Variants in SETDB2 observed in about 807,000 individuals in gnomAD.
SETDB2 encodes histone-lysine N-methyltransferase SETDB2.
SETDB2 carries 56 observed loss-of-function variants against 82.5 expected under a neutral mutation model. That is an observed-to-expected ratio of 0.68 (90% CI 0.55 to 0.85). The LOEUF (loss-of-function observed/expected upper bound fraction) is 0.85. SETDB2 is among the 40% of genes least tolerant of loss of function. SETDB2 has a pLI of 0.00. For missense variants in SETDB2, 677 were observed against 816.4 expected (o/e 0.83, Z 2.08); for synonymous variants, 272 against 284.9 (o/e 0.95, Z 0.46).
At chr13:49,449,005 T>A (rs1020913719) in intron 1 of SETDB2, among the ~76,000 whole-genome samples, 12 of 152,248 alleles carry the variant, frequency 7.9e-5, no homozygotes, top group Non-Finnish European at 1.2e-4. Context: ...CAACTCTTAT[T>A]TGATACGTTT....
In SETDB2 at chr13:49,465,798, A is replaced by G. The variant is rs1958099293; in HGVS notation, c.209-2066A>G. ...GTGATCCACCCGCCTTGGCCTCCCA[A>G]AGTGCTAGGATTACAGGTGTGAGCC... On this transcript the variant is annotated intron_variant, in intron 4 of 13. Transcript: ENST00000611815. Among the ~76,000 whole-genome samples, 5 of 152,242 alleles carry G rather than the reference A, an allele frequency of 3.3e-5. 1 individual carries two copies. In the Middle Eastern group the frequency reaches 0.01, roughly 311 times the overall value.
At chr13:49,463,862 C>T (rs1321857917) in intron 4 of SETDB2, among the ~76,000 whole-genome samples, 1 of 152,228 alleles carries the variant, frequency 6.6e-6, no homozygotes, top group Non-Finnish European at 1.5e-5. Flanking sequence ...AGTCCCAGAG[C>T]ACATTCCTTT....
At chr13:49,469,938 C>T (rs149102742) in intron 5 of SETDB2, among the ~76,000 whole-genome samples, 185 of 152,210 alleles carry the variant, frequency 1.2e-3, no homozygotes, top group African/African-American at 4.0e-3. Flanking sequence ...TTATTTTTCT[C>T]CTAACAGATT....
chr13:49,463,890 A>G (rs1445988813), intron 4 of SETDB2: 1 of 642,488 alleles, frequency 1.6e-6, no homozygotes, highest in Non-Finnish European at 2.8e-6. Flanking sequence ...GGCTTCTTAG[A>G]TAGTATTAAC....
At position 49,461,168 on chromosome 13, in the gene SETDB2, T is replaced by C; in HGVS notation, c.208+6T>C. ...CAGTTCAACATCAATAAAGGGTATG[T>C]ACATCTCTATTCCCATTGTAGAGTA... On this transcript the variant is annotated splice_donor_region_variant and intron_variant, in intron 4 of 13. Coordinates refer to ENST00000611815, the MANE Select transcript of SETDB2 (RefSeq NM_001160308.3). 6.3e-7 allele frequency: 1 copy of C among 1,579,126 alleles called. No individual in the cohort carries two copies. The highest frequency in any genetic ancestry group is 8.7e-7 in the Non-Finnish European group (1 of 1,149,610).
intron 1 of SETDB2, among the ~76,000 whole-genome samples, chr13:49,450,383 T>C (rs1184426677): frequency 1.3e-5 from 2 of 152,254 alleles, no homozygotes; most frequent in African/African-American, 4.8e-5. Context: ...CAGTCATCTA[T>C]TGAGTTTATT....
At chr13:49,459,821 A>G (rs775254033) in intron 2 of SETDB2, 19 of 263,384 alleles carry the variant, frequency 7.2e-5, no homozygotes, top group Non-Finnish European at 1.4e-4. Flanking sequence ...ATACCCCACA[A>G]CCACTCTCCA....
chr13:49,482,773 A>C lies in SETDB2; in HGVS notation c.1193A>C (p.Tyr398Ser), dbSNP rs150215314. The change falls in exon 9 of 14, where the codon TAT becomes TCT. Residue 398 changes from tyrosine (Y) to serine (S), a missense_variant. Transcript: ENST00000611815. ...AGCAGAGCTAACACTGAAAAATCTTATGGTATTGATGAAAACGGGAGAGAT... is the reference window on the plus strand; with the variant it reads ...AGCAGAGCTAACACTGAAAAATCTTCTGGTATTGATGAAAACGGGAGAGAT... ...LLSRANTEKS[Y>S]GIDENGRDEN... is the part of the protein sequence containing the mutation. 6.3e-5 allele frequency: 101 copies of C among 1,612,292 alleles called. 1 individual carries two copies. The African/African-American group carries it at 1.0e-3, about 17-fold the overall frequency.
rs1262637769 is a variant in SETDB2, at chr13:49,475,954, A to G, written c.306-522A>G. 2.0e-5 allele frequency among the ~76,000 whole-genome samples: 3 copies of G among 152,174 alleles called. No homozygotes were observed. In the East Asian group the frequency reaches 5.8e-4, roughly 29 times the overall value. Reference sequence around the variant, plus strand: ...ATAAAGGATTCTTGATGAATTAATAAGTTTTCAGCCAGCCTTTGTTTTTTT... The same window carrying G: ...ATAAAGGATTCTTGATGAATTAATAGGTTTTCAGCCAGCCTTTGTTTTTTT... On this transcript the variant is annotated intron_variant, in intron 5 of 13. Coordinates refer to ENST00000611815, the MANE Select transcript of SETDB2 (RefSeq NM_001160308.3).
intron 1 of SETDB2, 111 bp downstream of exon 1, chr13:49,444,968 GTAAT>G (rs1390980872): frequency 6.6e-6 from 1 of 152,188 alleles, no homozygotes; most frequent in African/African-American, 2.4e-5. Context: ...AGCCCAATAA[GTAAT>G]TAAGTAAGGA....
At chr13:49,453,614 C>G (rs1387278398) in intron 2 of SETDB2, among the ~76,000 whole-genome samples, 1 of 152,048 alleles carries the variant, frequency 6.6e-6, no homozygotes, top group Admixed American at 6.6e-5. Context: ...GCTCTTGTGT[C>G]CCTTTGATAT....
At chr13:49,483,049 C>T in intron 9 of SETDB2, 87 bp downstream of exon 9, 2 of 830,400 alleles carry the variant, frequency 2.4e-6, no homozygotes, top group South Asian at 3.6e-5. Flanking sequence ...TTTCTTTTCT[C>T]CTCATTTGTA....
At chr13:49,447,001 G>A (rs1167738661) in intron 1 of SETDB2, among the ~76,000 whole-genome samples, 1 of 152,134 alleles carries the variant, frequency 6.6e-6, no homozygotes, top group Non-Finnish European at 1.5e-5. Context: ...GTTTATGAGA[G>A]TTAAGTTTCT....
At position 49,491,863 on chromosome 13, in the gene SETDB2, G is replaced by C. The variant is rs769793982; in HGVS notation, c.*14G>C. On this transcript the variant is annotated 3_prime_UTR_variant, in exon 14 of 14. Coordinates refer to ENST00000611815, the MANE Select transcript of SETDB2 (RefSeq NM_001160308.3). ...AAAATATTATAAATATGTAACTAAC[G>C]CCTGTTTGTGAAATTAGCTTATCAG... is the stretch of plus-strand genomic sequence containing the variant. 6.5e-7 allele frequency: 1 copy of C among 1,530,432 alleles called. No individual in the cohort carries two copies. Among genetic ancestry groups the C allele is most frequent in the South Asian group, 1.1e-5 (1 of 89,232 alleles). The allele number at this position is 1,530,432 out of a possible 1,614,324, so 94.8% of individuals were successfully genotyped here.
chr13:49,475,713 C>T (rs1242790908), intron 5 of SETDB2, among the ~76,000 whole-genome samples: 3 of 151,966 alleles, frequency 2.0e-5, no homozygotes, highest in Non-Finnish European at 4.4e-5. Flanking sequence ...ATCTTGAGCT[C>T]CTGAGCTCAA....
Position 49,491,778 on chromosome 13 carries a change from G to T in SETDB2, c.2053G>T (p.Ala685Ser). 1.2e-6 allele frequency: 2 copies of T among 1,613,270 alleles called. No homozygotes were observed. The highest frequency in any genetic ancestry group is 2.2e-5 in the South Asian group (2 of 90,946). ...GCTAACATGGGATTATGGCTATGAA[G>T]CTGGGACTGTGCCTGAGAAGGAAAT... ...TELTWDYGYE[A>S]GTVPEKEIFC... Residue 685 changes from alanine (A) to serine (S), a missense_variant, in exon 14 of 14, where the codon GCT becomes TCT. This residue lies in a region of SETDB2 where 420 missense variants were observed against 554.6 expected (regional missense o/e 0.76). Coordinates refer to ENST00000611815, the MANE Select transcript of SETDB2 (RefSeq NM_001160308.3).
chr13:49,477,466 A>G (rs1427364396), intron 6 of SETDB2, among the ~76,000 whole-genome samples: 1 of 152,146 alleles, frequency 6.6e-6, no homozygotes, highest in Non-Finnish European at 1.5e-5. Flanking sequence ...AAAAGAGTCT[A>G]CAATGGGAAA....
chr13:49,461,425 A>C (rs1344931307), intron 4 of SETDB2, among the ~76,000 whole-genome samples: 2 of 152,218 alleles, frequency 1.3e-5, no homozygotes, highest in African/African-American at 2.4e-5. Context: ...AGACTTTCTT[A>C]TATAAAGAGG....
At chr13:49,450,090 A>G (rs144524654) in intron 1 of SETDB2, among the ~76,000 whole-genome samples, 77 of 152,310 alleles carry the variant, frequency 5.1e-4, no homozygotes, top group Non-Finnish European at 9.6e-4. Context: ...TAGATAATCT[A>G]CATTTTTCTG....
Sources: allele counts gnomAD v4.1 joint callset (sites outside exome capture counted in the v4.1 genomes callset), GRCh38; gene constraint gnomAD v4.1.1; regional missense constraint gnomAD v4.1.1; transcripts MANE v1.5; gene names NCBI Gene and HGNC (gene_info 2026-07-23, HGNC 2026-07-21).